CHD8: variants seen among roughly 807,000 people sequenced by gnomAD.
CHD8 encodes the protein chromodomain helicase DNA binding protein 8.
CHD8 carries 31 observed loss-of-function variants against 279.2 expected under a neutral mutation model. The ratio of observed to expected loss-of-function variants is 0.11; its 90% confidence interval spans 0.08 to 0.15. The LOEUF is 0.15. Among genes scored for constraint, CHD8 ranks in the 10% least tolerant of loss-of-function variants. The pLI is 1.00. For missense variants in CHD8, 2,146 were observed against 3,230.5 expected (o/e 0.66, Z 8.14); for synonymous variants, 1,081 against 1,139.6 (o/e 0.95, Z 1.04).
chr14:21,394,868 TAACTGAAAACACAG>T, intron 30 of CHD8, 30 bp downstream of exon 30: 1 of 1,581,890 alleles, frequency 6.3e-7, no homozygotes, highest in South Asian at 1.1e-5. Context: ...ATAGGGACCA[TAACTGAAAACACAG>T]ATCAGCACAA....
intron 1 of CHD8, among the ~76,000 whole-genome samples, chr14:21,446,067 C>T (rs965779969): frequency 3.9e-5 from 6 of 152,158 alleles, no homozygotes; most frequent in African/African-American, 1.2e-4. Flanking sequence ...TGGCAGGCAC[C>T]TGTAATCCCA....
Position 21,405,508 on chromosome 14 carries a change from G to A in CHD8, c.3052-44C>T. 1.3e-6 allele frequency: 2 copies of A among 1,582,924 alleles called. No individual in the cohort carries two copies. The highest frequency in any genetic ancestry group is 1.7e-6 in the Non-Finnish European group (2 of 1,165,134). ...AGAAAAATAAATCAATAAGATGAGG[G>A]CGAACATTCTCACATTATGTAGAAA... On this transcript the variant is annotated intron_variant, in intron 15 of 37. Transcript: ENST00000646647. This position sits in a 1 kb window ranked among gnomAD's most constrained non-coding sequence, Gnocchi z 4.2.
chr14:21,395,314 C>A lies in CHD8; in HGVS notation c.5166G>T (p.Val1722=). Residue 1722 remains valine, a synonymous_variant, in exon 29 of 38, where the codon GTG becomes GTT. Coordinates refer to ENST00000646647, the MANE Select transcript of CHD8 (RefSeq NM_001170629.2). ...GAAGTTTACCTTCATCTCCATCAATCACTGAGATCTCCTCATCCATCATCA... is the reference window on the plus strand; with the variant it reads ...GAAGTTTACCTTCATCTCCATCAATAACTGAGATCTCCTCATCCATCATCA... The part of the protein sequence containing the change: ...PLMMMDEEIS[V]IDGDEAQVTQ... 3 of 1,608,904 alleles carry A rather than the reference C, an allele frequency of 1.9e-6. No homozygotes were observed. The highest frequency in any genetic ancestry group is 2.5e-6 in the Non-Finnish European group (3 of 1,176,772).
chr14:21,451,890 C>T (rs905682598), intron 1 of CHD8, among the ~76,000 whole-genome samples: 1 of 151,976 alleles, frequency 6.6e-6, no homozygotes, highest in African/African-American at 2.4e-5. Flanking sequence ...GTAGTTTAAA[C>T]GTAAAACATT....
chr14:21,432,713 C>A (rs909090476), intron 1 of CHD8, among the ~76,000 whole-genome samples: 23 of 152,320 alleles, frequency 1.5e-4, no homozygotes, highest in African/African-American at 5.5e-4. Flanking sequence ...TCCTACCAAC[C>A]CTCAAAGGTC....
intron 26 of CHD8, 116 bp downstream of exon 26, chr14:21,399,486 A>G: frequency 1.4e-6 from 1 of 734,534 alleles, no homozygotes; most frequent in South Asian, 1.6e-5. Context: ...TCCTACTCAA[A>G]TTTATTGAAG....
chr14:21,402,332 T>G lies in CHD8; in HGVS notation c.3882+4A>C, dbSNP rs1888073463. The G allele has an allele frequency of 6.2e-7, 1 of 1,613,790 alleles. No individual in the cohort carries two copies. The highest frequency in any genetic ancestry group is 1.7e-5 in the Admixed American group (1 of 59,996). On this transcript the variant is annotated splice_donor_region_variant and intron_variant, in intron 19 of 37. Transcript: ENST00000646647. The surrounding 1 kb of genome is among the most constrained non-coding windows in gnomAD (Gnocchi z 4.5). ...AAACTTATCTATAAACTAAGAGGAC[T>G]CACTCCAGTAATGTTGCCATCCCGA...
chr14:21,454,157 CAAAAA>C (rs1264421693), intron 1 of CHD8, among the ~76,000 whole-genome samples: 13 of 56,446 alleles, frequency 2.3e-4, no homozygotes, highest in Admixed American at 9.0e-4. Context: ...GACTCCGTCT[CAAAAA>C]AAAAGAAAAG....
Position 21,385,479 on chromosome 14 carries a change from T to G in CHD8, c.*134A>C. On this transcript the variant is annotated 3_prime_UTR_variant, in exon 38 of 38. Coordinates refer to ENST00000646647, the MANE Select transcript of CHD8 (RefSeq NM_001170629.2). Reference sequence around the variant, plus strand: ...GGGAGCAATCAGGTACATTTTTTTTTTTTTTTCCTTTTCACCTCCTGGAGT... The same window carrying G: ...GGGAGCAATCAGGTACATTTTTTTTGTTTTTTCCTTTTCACCTCCTGGAGT... 1 of 1,376,734 alleles carries G rather than the reference T, an allele frequency of 7.3e-7. No homozygotes were observed. The highest frequency in any genetic ancestry group is 9.5e-7 in the Non-Finnish European group (1 of 1,053,456). The allele number at this position is 1,376,734 out of a possible 1,614,324, so 85.3% of individuals were successfully genotyped here.
intron 2 of CHD8, chr14:21,429,676 TTGA>T (rs1293415126): frequency 5.1e-6 from 2 of 389,724 alleles, no homozygotes; most frequent in African/African-American, 2.1e-5. Flanking sequence ...GGTCACCATA[TTGA>T]TGTCAAACTT....
At chr14:21,388,798 A>G (rs190267451) in intron 37 of CHD8, among the ~76,000 whole-genome samples, 59 of 152,264 alleles carry the variant, frequency 3.9e-4, no homozygotes, top group Admixed American at 1.4e-3. Flanking sequence ...ACCATTTTAT[A>G]TATAAAGGAC....
At position 21,405,900 on chromosome 14, in the gene CHD8, AAC is replaced by A. The variant is rs760299128; in HGVS notation, c.2908-38_2908-37del. The A allele has an allele frequency of 6.4e-7, 1 of 1,571,988 alleles. No individual in the cohort carries two copies. The highest frequency in any genetic ancestry group is 1.2e-5 in the South Asian group (1 of 86,614). On this transcript the variant is annotated intron_variant, in intron 14 of 37. Coordinates refer to ENST00000646647, the MANE Select transcript of CHD8 (RefSeq NM_001170629.2). This position sits in a 1 kb window ranked among gnomAD's most constrained non-coding sequence, Gnocchi z 4.2. Reference sequence around the variant, plus strand: ...AGGAAACAAAAGAATAAAATTTAAAAACATGAAGGACTTCTGGGGTTTCCTAT... The same window carrying A: ...AGGAAACAAAAGAATAAAATTTAAAAATGAAGGACTTCTGGGGTTTCCTAT...
Position 21,430,976 on chromosome 14 carries a change from A to G in CHD8, c.668T>C (p.Val223Ala). Residue 223 changes from valine (V) to alanine (A), a missense_variant, in exon 2 of 38, where the codon GTG (valine) becomes GCG (alanine). By Grantham distance (64) the Val-to-Ala change is moderately conservative (BLOSUM62 0). Coordinates refer to ENST00000646647, the MANE Select transcript of CHD8 (RefSeq NM_001170629.2). ...PGVSIVSGNT[V>A]LAAKVPGNQA... ...GTTCCCAGGGACCTTGGCGGCCAAC[A>G]CTGTATTACCAGAGACAATGGAAAC... 6.3e-7 allele frequency: 1 copy of G among 1,599,604 alleles called. No individual in the cohort carries two copies. Among genetic ancestry groups the G allele is most frequent in the Non-Finnish European group, 8.5e-7 (1 of 1,179,818 alleles).
chr14:21,453,076 A>G (rs1890298211), intron 1 of CHD8, among the ~76,000 whole-genome samples: 1 of 151,824 alleles, frequency 6.6e-6, no homozygotes, highest in Non-Finnish European at 1.5e-5. Flanking sequence ...CGGGAGGCCA[A>G]GGTGGGTGGA....
chr14:21,427,997 G>A lies in CHD8; in HGVS notation c.1473C>T (p.Ser491=), dbSNP rs373467208. 38 of 1,614,024 alleles carry A rather than the reference G, an allele frequency of 2.4e-5. No individual in the cohort carries two copies. In the African/African-American group the frequency reaches 2.4e-4, roughly 10 times the overall value. ...TCTCGCCTTCCTCCTCTGGCCGAAC[G>A]CTGGGCAACTCGTCCTCATTTAAGA... ...PRVLNEDELP[S]VRPEEEGEKK... Residue 491 remains serine (S), a synonymous_variant, in exon 4 of 38, where the codon AGC becomes AGT. Transcript: ENST00000646647.
At chr14:21,435,212 G>T (rs1889731202) in intron 1 of CHD8, among the ~76,000 whole-genome samples, 1 of 152,198 alleles carries the variant, frequency 6.6e-6, no homozygotes, top group Non-Finnish European at 1.5e-5. Context: ...AGGGCATGTA[G>T]GGGGTGAGGG....
In CHD8 at chr14:21,397,867, T is replaced by C. The variant is rs61752837; in HGVS notation, c.5007A>G (p.Ala1669=). The C allele has an allele frequency of 0.024, 38,353 of 1,613,344 alleles. 488 individuals carry two copies. The highest frequency in any genetic ancestry group is 0.034 in the African/African-American group (2,556 of 75,054). ...KAGRPDDKAI[A]AEHRVLDNFS... ...AGTTATCCAACACTCGATGTTCTGCTGCAATTGCTTTGTCATCTGGTCGGC... is the reference window on the plus strand; with the variant it reads ...AGTTATCCAACACTCGATGTTCTGCCGCAATTGCTTTGTCATCTGGTCGGC... Residue 1669 remains alanine (A), a synonymous_variant, in exon 27 of 38, where the codon GCA becomes GCG. Transcript: ENST00000646647.
intron 10 of CHD8, among the ~76,000 whole-genome samples, chr14:21,411,429 A>G (rs1484301842): frequency 6.6e-6 from 1 of 152,198 alleles, no homozygotes; most frequent in Non-Finnish European, 1.5e-5. Context: ...TAAACTTCGG[A>G]ATTTTATAGA....
Position 21,429,343 on chromosome 14 carries a change from GA to G in CHD8, c.844-9del, listed in dbSNP as rs1889463503. On this transcript the variant is annotated splice_polypyrimidine_tract_variant and intron_variant, in intron 2 of 37. Coordinates refer to ENST00000646647, the MANE Select transcript of CHD8 (RefSeq NM_001170629.2). Reference sequence around the variant, plus strand: ...GATGCGTTTCGATTCACCCTAAAGTGAAGAAAGGAAATTGCAAGAGTACAAC... The same window carrying G: ...GATGCGTTTCGATTCACCCTAAAGTGAGAAAGGAAATTGCAAGAGTACAAC... 1 of 1,602,134 alleles carries G rather than the reference GA, an allele frequency of 6.2e-7. No homozygotes were observed. The highest frequency in any genetic ancestry group is 8.5e-7 in the Non-Finnish European group (1 of 1,171,446).
Sources: allele counts gnomAD v4.1 joint callset (sites outside exome capture counted in the v4.1 genomes callset), GRCh38; gene constraint gnomAD v4.1.1; non-coding constraint Gnocchi (gnomAD v3.1); transcripts MANE v1.5; gene names NCBI Gene and HGNC (gene_info 2026-07-23, HGNC 2026-07-21).